Variants in PHACTR2 observed in about 807,000 individuals in gnomAD.
The protein encoded by PHACTR2 is phosphatase and actin regulator 2, also known as chromosome 6 open reading frame 56.
In PHACTR2, 30 loss-of-function variants were observed where a neutral mutation model predicts 76.0. The observed-to-expected ratio is 0.39, with a 90% confidence interval of 0.30 to 0.54. The LOEUF (loss-of-function observed/expected upper bound fraction) is 0.54. Among genes scored for constraint, PHACTR2 ranks in the 20% least tolerant of loss-of-function variants. The probability of loss-of-function intolerance (pLI) is 0.61; values close to 1 mark genes in which losing one functional copy is unlikely to be tolerated. For missense variants in PHACTR2, 696 were observed against 781.1 expected (o/e 0.89, Z 1.30); for synonymous variants, 292 against 292.5 (o/e 1.00, Z 0.02).
rs139216441 is a variant in PHACTR2 at position 143,823,152 on chromosome 6, A to C, written c.1923-522A>C. Reference sequence around the variant, plus strand: ...GCTTTGTATAGTTGTGGACATGCTTAGTATATACCTGTGGAACATCTGGGG... The same window carrying C: ...GCTTTGTATAGTTGTGGACATGCTTCGTATATACCTGTGGAACATCTGGGG... On this transcript the variant is annotated intron_variant, in intron 12 of 12. Coordinates refer to ENST00000440869, the MANE Select transcript of PHACTR2 (RefSeq NM_001100164.2). The surrounding 1 kb of genome is among the most constrained non-coding windows in gnomAD (Gnocchi z 5.7). Among the ~76,000 whole-genome samples the C allele has an allele frequency of 4.6e-5, 7 of 152,386 alleles. No homozygotes were observed. The East Asian group carries it at 1.3e-3, about 29-fold the overall frequency.
At chr6:143,771,142 ATG>A (rs1554227158) in intron 6 of PHACTR2, among the ~76,000 whole-genome samples, 36 of 32,178 alleles carry the variant, frequency 1.1e-3, no homozygotes, top group Admixed American at 3.2e-3. Flanking sequence ...ATATATATAT[ATG>A]TATATATATA....
intron 1 of PHACTR2, among the ~76,000 whole-genome samples, chr6:143,693,400 G>A (rs576978395): frequency 1.3e-5 from 2 of 152,180 alleles, no homozygotes; most frequent in Non-Finnish European, 2.9e-5. Context: ...ACCACACCTG[G>A]CTAATTTTTG....
chr6:143,620,630 A>T (rs182883590), intron 1 of PHACTR2, among the ~76,000 whole-genome samples: 1 of 152,342 alleles, frequency 6.6e-6, no homozygotes, highest in East Asian at 1.9e-4. Context: ...CAGCAGCCTC[A>T]TGCACAGCTT....
chr6:143,714,365 G>A (rs900359470), intron 2 of PHACTR2, among the ~76,000 whole-genome samples: 1 of 152,158 alleles, frequency 6.6e-6, no homozygotes, highest in African/African-American at 2.4e-5. Flanking sequence ...CACTTTTCCT[G>A]GTATGGGTTT....
intron 1 of PHACTR2, among the ~76,000 whole-genome samples, chr6:143,665,033 A>G (rs977131196): frequency 6.6e-6 from 1 of 152,074 alleles, no homozygotes; most frequent in Non-Finnish European, 1.5e-5. Context: ...TCCTGACCTC[A>G]AGTGATCTGC....
At chr6:143,692,823 T>A (rs1044956377) in intron 1 of PHACTR2, among the ~76,000 whole-genome samples, 1 of 152,260 alleles carries the variant, frequency 6.6e-6, no homozygotes, top group Non-Finnish European at 1.5e-5. Flanking sequence ...TAAATGTCTG[T>A]ACAGTATTCG....
Position 143,611,718 on chromosome 6 carries a change from A to G in PHACTR2, c.13+3396A>G, listed in dbSNP as rs563082113. 3.6e-4 allele frequency among the ~76,000 whole-genome samples: 55 copies of G among 152,314 alleles called. No homozygotes were observed. Among genetic ancestry groups the G allele is most frequent in the African/African-American group, 1.3e-3 (53 of 41,564 alleles). ...AGCAGGTTGCTTTATGAACAAATAA[A>G]TATATGCTCCAGCAGCGTGGCTCTG... On this transcript the variant is annotated intron_variant, in intron 1 of 11. Coordinates refer to the PHACTR2 transcript ENST00000305766. The surrounding 1 kb of genome is among the most constrained non-coding windows in gnomAD (Gnocchi z 4.4).
At chr6:143,661,991 C>A (rs773372524) in intron 1 of PHACTR2, among the ~76,000 whole-genome samples, 1 of 152,174 alleles carries the variant, frequency 6.6e-6, no homozygotes, top group Non-Finnish European at 1.5e-5. Flanking sequence ...ATATTCCAAG[C>A]ACATTTTGTA....
At chr6:143,626,196 A>G (rs1266995972) in intron 1 of PHACTR2, among the ~76,000 whole-genome samples, 1 of 152,158 alleles carries the variant, frequency 6.6e-6, no homozygotes, top group African/African-American at 2.4e-5. Flanking sequence ...TACACCGACT[A>G]TCCCTTACCC....
rs1582692175 is a variant in PHACTR2, at chr6:143,602,569, C to G, written c.217+65362C>G. 6.6e-6 allele frequency among the ~76,000 whole-genome samples: 1 copy of G among 152,362 alleles called. No individual in the cohort carries two copies. The highest frequency in any genetic ancestry group is 1.9e-4 in the East Asian group (1 of 5,192). ...GTACAGCAGGACATTGCAGAAACCT[C>G]ACCCACAGCCTTCAGCTTTTGGCTC... On this transcript the variant is annotated intron_variant, in intron 1 of 11. Coordinates refer to the PHACTR2 transcript ENST00000367584. The surrounding 1 kb of genome is among the most constrained non-coding windows in gnomAD (Gnocchi z 6.1).
chr6:143,660,499 G>A (rs1357546052), intron 1 of PHACTR2, among the ~76,000 whole-genome samples: 2 of 152,142 alleles, frequency 1.3e-5, no homozygotes, highest in Non-Finnish European at 2.9e-5. Context: ...ACAACATACG[G>A]GAATTGGAGA....
intron 1 of PHACTR2, among the ~76,000 whole-genome samples, chr6:143,563,936 C>T (rs889950997): frequency 5.9e-5 from 9 of 151,596 alleles, no homozygotes; most frequent in African/African-American, 1.2e-4. Flanking sequence ...CCCTTGAGGT[C>T]GAGGCTGCAT....
chr6:143,754,404 C>T lies in PHACTR2; in HGVS notation c.454+492C>T, dbSNP rs777081470. On this transcript the variant is annotated intron_variant, in intron 4 of 12. Coordinates refer to ENST00000440869, the MANE Select transcript of PHACTR2 (RefSeq NM_001100164.2). The surrounding 1 kb of genome is among the most constrained non-coding windows in gnomAD (Gnocchi z 6.2). ...CATATCCAGCATCATAGGTTCCAGA[C>T]GTTTCTGAGAGAGACCCAGGAATAG... is the stretch of plus-strand genomic sequence containing the variant. Among the ~76,000 whole-genome samples, 2 of 152,166 alleles carry T rather than the reference C, an allele frequency of 1.3e-5. No individual in the cohort carries two copies. Among genetic ancestry groups the T allele is most frequent in the Non-Finnish European group, 2.9e-5 (2 of 68,034 alleles).
intron 1 of PHACTR2, among the ~76,000 whole-genome samples, chr6:143,564,245 C>A (rs1441601740): frequency 1.0e-5 from 1 of 96,466 alleles, no homozygotes; most frequent in African/African-American, 3.7e-5. Context: ...ATGTATGCCA[C>A]TGCACTCTAA....
chr6:143,690,071 CT>C (rs1239670050), intron 1 of PHACTR2, among the ~76,000 whole-genome samples: 1 of 152,242 alleles, frequency 6.6e-6, no homozygotes, highest in Admixed American at 6.5e-5. Context: ...ATAGCTAAGG[CT>C]TGTGGTAAAC....
Position 143,596,984 on chromosome 6 carries a change from C to T in PHACTR2, c.217+59777C>T, listed in dbSNP as rs1446078005. Among the ~76,000 whole-genome samples the T allele has an allele frequency of 6.6e-6, 1 of 152,184 alleles. No homozygotes were observed. Among genetic ancestry groups the T allele is most frequent in the Non-Finnish European group, 1.5e-5 (1 of 68,022 alleles). On this transcript the variant is annotated intron_variant, in intron 1 of 11. Coordinates refer to the PHACTR2 transcript ENST00000367584. The surrounding 1 kb of genome is among the most constrained non-coding windows in gnomAD (Gnocchi z 4.6). ...CTTCTGCCTGTGTCTTGCAACAGCCCTATTGCTGCCAGCACAGCCCTCCTG... is the reference window on the plus strand; with the variant it reads ...CTTCTGCCTGTGTCTTGCAACAGCCTTATTGCTGCCAGCACAGCCCTCCTG...
chr6:143,682,267 G>A (rs1448282653), intron 1 of PHACTR2, among the ~76,000 whole-genome samples: 2 of 152,118 alleles, frequency 1.3e-5, no homozygotes, highest in African/African-American at 4.8e-5. Context: ...TCAGTGTAGT[G>A]CAGTGGTGCG....
chr6:143,729,677 T>C (rs531433775), intron 2 of PHACTR2, among the ~76,000 whole-genome samples: 3 of 152,168 alleles, frequency 2.0e-5, no homozygotes, highest in Non-Finnish European at 4.4e-5. Flanking sequence ...TTGGTAAAAG[T>C]CTTTTGTCCA....
At chr6:143,797,660 T>G (rs1358653400) in intron 11 of PHACTR2, among the ~76,000 whole-genome samples, 1 of 152,206 alleles carries the variant, frequency 6.6e-6, no homozygotes, top group African/African-American at 2.4e-5. Context: ...CACCGTTTAT[T>G]AAATAGGGAA....
Sources: gnomAD v4.1 joint callset for allele counts (sites outside exome capture counted in the v4.1 genomes callset) on GRCh38, gnomAD v4.1.1 for gene constraint, Gnocchi (gnomAD v3.1) non-coding constraint, MANE v1.5 for transcripts, NCBI Gene and HGNC (gene_info 2026-07-23, HGNC 2026-07-21) for gene names.